Variants in ARB2A observed in about 807,000 individuals in gnomAD.
The protein encoded by ARB2A is cotranscriptional regulator ARB2A.
chr5:94,057,956 AAG>A, the ARB2A span, among the ~76,000 whole-genome samples: 1 of 152,198 alleles, frequency 6.6e-6, no homozygotes, highest in African/African-American at 2.4e-5. Context: ...ACTGTTTAGA[AAG>A]AGAGACTGCT....
chr5:93,779,694 A>G, the ARB2A span, among the ~76,000 whole-genome samples: 1 of 152,210 alleles, frequency 6.6e-6, no homozygotes, highest in African/African-American at 2.4e-5. Context: ...GACAGATCGC[A>G]TGACTAATGT....
chr5:93,915,841 A>G, the ARB2A span, among the ~76,000 whole-genome samples: 1 of 152,106 alleles, frequency 6.6e-6, no homozygotes, highest in Non-Finnish European at 1.5e-5. Flanking sequence ...TAGCAAGATC[A>G]TAAAAGGATT....
At chr5:94,071,919 C>T in the ARB2A span, among the ~76,000 whole-genome samples, 1 of 152,080 alleles carries the variant, frequency 6.6e-6, no homozygotes, top group East Asian at 1.9e-4. Flanking sequence ...TACATGAATA[C>T]ACACAGTAAA....
the ARB2A span, chr5:93,881,431 G>A: frequency 2.1e-6 from 3 of 1,442,336 alleles, no homozygotes; most frequent in Non-Finnish European, 2.9e-6. Context: ...TATATACAAG[G>A]TAAAGAAAAT....
the ARB2A span, among the ~76,000 whole-genome samples, chr5:93,794,806 G>C: frequency 6.6e-6 from 1 of 152,116 alleles, no homozygotes; most frequent in African/African-American, 2.4e-5. Context: ...CACCTAGTCT[G>C]GTGGAGGTAG....
At chr5:93,853,641 A>T in the ARB2A span, among the ~76,000 whole-genome samples, 18 of 152,076 alleles carry the variant, frequency 1.2e-4, no homozygotes, top group East Asian at 1.9e-4. Context: ...CATCAATACC[A>T]AATTTATTGA....
the ARB2A span, chr5:93,862,593 C>T: frequency 1.3e-5 from 2 of 151,956 alleles, no homozygotes; most frequent in East Asian, 3.9e-4. Flanking sequence ...TACATGCTGG[C>T]AAAAGGGAGG....
the ARB2A span, among the ~76,000 whole-genome samples, chr5:94,107,581 C>T: frequency 6.7e-6 from 1 of 149,326 alleles, no homozygotes; most frequent in African/African-American, 2.5e-5. Context: ...GGCAATTGGA[C>T]ATTCTGGATT....
At chr5:93,752,391 T>C in the ARB2A span, among the ~76,000 whole-genome samples, 1 of 152,232 alleles carries the variant, frequency 6.6e-6, no homozygotes, top group South Asian at 2.1e-4. Context: ...ATTCTTATTA[T>C]TCAGTTATTT....
the ARB2A span, chr5:93,964,503 A>G: frequency 7.0e-6 from 11 of 1,582,626 alleles, no homozygotes; most frequent in Non-Finnish European, 9.5e-6. Context: ...CCAGGAGCTC[A>G]TATACATACT....
At chr5:93,768,100 G>A in the ARB2A span, among the ~76,000 whole-genome samples, 1 of 150,846 alleles carries the variant, frequency 6.6e-6, no homozygotes, top group Non-Finnish European at 1.5e-5. Flanking sequence ...CTCAGGAATG[G>A]AAAACCAAGT....
the ARB2A span, chr5:93,620,193 T>G: frequency 5.9e-5 from 9 of 152,334 alleles, no homozygotes; most frequent in African/African-American, 2.2e-4. Flanking sequence ...AAATGGGACC[T>G]TCACACCTAC....
At chr5:93,780,102 T>C in the ARB2A span, among the ~76,000 whole-genome samples, 6 of 152,202 alleles carry the variant, frequency 3.9e-5, no homozygotes, top group Admixed American at 6.5e-5. Flanking sequence ...TTTTTATTCA[T>C]TTTTATTGCA....
the ARB2A span, among the ~76,000 whole-genome samples, chr5:93,928,603 C>CTTATT: frequency 2.6e-5 from 4 of 152,042 alleles, no homozygotes; most frequent in Admixed American, 6.5e-5. Flanking sequence ...TCATAACAGA[C>CTTATT]TTATTTTTAA....
chr5:93,886,057 T>C, the ARB2A span, among the ~76,000 whole-genome samples: 3 of 151,626 alleles, frequency 2.0e-5, no homozygotes, highest in Non-Finnish European at 4.4e-5. Flanking sequence ...ATTCTGTAAA[T>C]AGATAAAACA....
At chr5:93,812,089 T>C in the ARB2A span, among the ~76,000 whole-genome samples, 29 of 152,128 alleles carry the variant, frequency 1.9e-4, no homozygotes, top group African/African-American at 6.0e-4. Flanking sequence ...TAAACACACA[T>C]GCTACCAGAT....
chr5:94,073,005 T>C, the ARB2A span, among the ~76,000 whole-genome samples: 1 of 152,128 alleles, frequency 6.6e-6, no homozygotes, highest in South Asian at 2.1e-4. Flanking sequence ...CTACCATCTA[T>C]GCCTTATCTG....
At chr5:93,974,213 C>G in the ARB2A span, among the ~76,000 whole-genome samples, 1 of 152,076 alleles carries the variant, frequency 6.6e-6, no homozygotes, top group Non-Finnish European at 1.5e-5. Context: ...ACAGAAAGAT[C>G]TTTCTCAAAG....
chr5:93,804,930 AATATC>A, the ARB2A span: 1 of 970,710 alleles, frequency 1.0e-6, no homozygotes, highest in Non-Finnish European at 1.2e-6. Flanking sequence ...GATATATAAT[AATATC>A]ATACAGAGTG....
Sources: gnomAD v4.1 joint callset for allele counts (sites outside exome capture counted in the v4.1 genomes callset) on GRCh38, gnomAD v4.1.1 for gene constraint, MANE v1.5 for transcripts, NCBI Gene and HGNC (gene_info 2026-07-23, HGNC 2026-07-21) for gene names.